CLDN16: variants seen among roughly 807,000 people sequenced by gnomAD.
CLDN16 encodes the protein claudin-16.
Under a neutral mutation model 24.6 loss-of-function variants are expected in CLDN16, and 13 were observed. The observed-to-expected ratio is 0.53, with a 90% CI of 0.34 to 0.84. The LOEUF (loss-of-function observed/expected upper bound fraction) is 0.84, where lower values mean the gene tolerates loss of function less well. Ranked by LOEUF, CLDN16 falls within the 40% of genes least tolerant of loss-of-function variation. The pLI is 0.01. For synonymous variants in CLDN16, 116 were observed against 106.7 expected, an observed-to-expected ratio of 1.09 and a Z score of -0.54; for missense variants, 298 against 292.7, an observed-to-expected ratio of 1.02 and a Z score of -0.13.
At chr3:190,402,278 A>C in intron 1 of CLDN16, 59 bp from the exon 2 acceptor site, 1 of 1,291,910 alleles carries the variant, frequency 7.7e-7, no homozygotes, top group Non-Finnish European at 1.1e-6. Flanking sequence ...TTTTTGATCA[A>C]GGGGAACTGA....
intron 1 of CLDN16, among the ~76,000 whole-genome samples, chr3:190,325,384 G>A (rs1433102229): frequency 1.3e-5 from 2 of 152,046 alleles, no homozygotes; most frequent in Non-Finnish European, 2.9e-5. Flanking sequence ...CTTGCTCCAG[G>A]CAGTGGCAAG....
intron 1 of CLDN16, among the ~76,000 whole-genome samples, chr3:190,350,883 C>A (rs1257215367): frequency 6.6e-6 from 1 of 152,120 alleles, no homozygotes; most frequent in Non-Finnish European, 1.5e-5. Context: ...TCTTTCCTCG[C>A]AGTCTTCTTC....
At chr3:190,320,025 T>A (rs560499324), upstream of CLDN16, among the ~76,000 whole-genome samples, 4 of 152,290 alleles carry the variant, frequency 2.6e-5, no homozygotes, top group South Asian at 8.3e-4. Context: ...AAAAGTGGAT[T>A]CTGATCTGGA....
intron 1 of CLDN16, among the ~76,000 whole-genome samples, chr3:190,357,624 T>C (rs913047535): frequency 6.6e-6 from 1 of 151,922 alleles, no homozygotes; most frequent in African/African-American, 2.4e-5. Context: ...AATTTAAGCT[T>C]ACCTTTCTCA....
intron 1 of CLDN16, among the ~76,000 whole-genome samples, chr3:190,352,534 G>A (rs1056296477): frequency 6.6e-6 from 1 of 152,080 alleles, no homozygotes; most frequent in Non-Finnish European, 1.5e-5. Context: ...TTTGAATTTT[G>A]TATCTCAGGC....
At chr3:190,396,606 TA>T (rs1180137363) in intron 1 of CLDN16, among the ~76,000 whole-genome samples, 2 of 152,228 alleles carry the variant, frequency 1.3e-5, no homozygotes, top group Non-Finnish European at 2.9e-5. Flanking sequence ...CCAGCATTAA[TA>T]TAGTCGGCAT....
chr3:190,319,255 C>A (rs1716854772), upstream of CLDN16, among the ~76,000 whole-genome samples: 6 of 152,162 alleles, frequency 3.9e-5, no homozygotes, highest in South Asian at 1.0e-3. Flanking sequence ...AAGTCTACTA[C>A]AACTGTATCT....
chr3:190,359,179 C>T (rs922875723), intron 1 of CLDN16, among the ~76,000 whole-genome samples: 3 of 151,970 alleles, frequency 2.0e-5, no homozygotes, highest in African/African-American at 7.2e-5. Flanking sequence ...GCATCTCCTG[C>T]AACTGCAATC....
At chr3:190,308,220 T>C in the CLDN16 span, 6 of 1,584,972 alleles carry the variant, frequency 3.8e-6, no homozygotes, top group Non-Finnish European at 5.2e-6. Flanking sequence ...TTAATGATAG[T>C]ATCTCAATGT....
At chr3:190,330,835 C>A (rs1395384991) in intron 1 of CLDN16, among the ~76,000 whole-genome samples, 6 of 152,152 alleles carry the variant, frequency 3.9e-5, no homozygotes, top group Admixed American at 2.0e-4. Context: ...CAAAGACATG[C>A]ATGTGTCTAT....
chr3:190,300,372 T>A, the CLDN16 span, among the ~76,000 whole-genome samples: 4 of 152,228 alleles, frequency 2.6e-5, no homozygotes, highest in Non-Finnish European at 5.9e-5. Flanking sequence ...CAAGGCTTTA[T>A]AAGAACACTC....
chr3:190,367,131 A>G (rs1476826664), intron 1 of CLDN16, among the ~76,000 whole-genome samples: 2 of 151,798 alleles, frequency 1.3e-5, no homozygotes, highest in African/African-American at 4.8e-5. Flanking sequence ...GATTAGAGAC[A>G]CTCATTTGTC....
intron 3 of CLDN16, among the ~76,000 whole-genome samples, chr3:190,379,691 T>C (rs1035076975): frequency 3.9e-5 from 6 of 152,118 alleles, no homozygotes; most frequent in Non-Finnish European, 8.8e-5. Context: ...TGCTCCTAAG[T>C]TGTTTATAAG....
chr3:190,402,472 G>A lies in CLDN16; in HGVS notation c.217+33G>A, dbSNP rs777119599. 52 of 1,504,726 alleles carry A rather than the reference G, an allele frequency of 3.5e-5. 1 individual carries two copies. In the South Asian group the frequency reaches 5.5e-4, roughly 16 times the overall value. The allele number at this position is 1,504,726 out of a possible 1,614,324, so 93.2% of individuals were successfully genotyped here. On this transcript the variant is annotated intron_variant, in intron 2 of 4. Transcript: ENST00000264734. Reference sequence around the variant, plus strand: ...TGCCTTAGAGCTCACTGCTTGCCAGGAAGGGAAAGGGACAGAAAACTGAGT... The same window carrying A: ...TGCCTTAGAGCTCACTGCTTGCCAGAAAGGGAAAGGGACAGAAAACTGAGT...
At chr3:190,350,067 G>A (rs1717638056) in intron 1 of CLDN16, among the ~76,000 whole-genome samples, 1 of 152,070 alleles carries the variant, frequency 6.6e-6, no homozygotes, top group Non-Finnish European at 1.5e-5. Context: ...AGGAATAGAT[G>A]AGCGGACCAG....
intron 3 of CLDN16, among the ~76,000 whole-genome samples, chr3:190,407,031 T>C (rs1719123721): frequency 6.6e-6 from 1 of 152,144 alleles, no homozygotes; most frequent in Non-Finnish European, 1.5e-5. Context: ...TGAGCCAATG[T>C]GCCCGGCCTA....
At chr3:190,320,553 A>G (rs1716891794), upstream of CLDN16, among the ~76,000 whole-genome samples, 1 of 152,246 alleles carries the variant, frequency 6.6e-6, no homozygotes, top group East Asian at 1.9e-4. Flanking sequence ...TCAAAAGCTG[A>G]AATAATAACA....
chr3:190,303,229 C>G, the CLDN16 span, among the ~76,000 whole-genome samples: 1 of 152,170 alleles, frequency 6.6e-6, no homozygotes, highest in Middle Eastern at 3.2e-3. Flanking sequence ...CTCTGCTATT[C>G]CTCACCCTTG....
chr3:190,331,290 C>T (rs1171784488), intron 1 of CLDN16, among the ~76,000 whole-genome samples: 1 of 152,164 alleles, frequency 6.6e-6, no homozygotes, highest in African/African-American at 2.4e-5. Context: ...CATATTCCCA[C>T]AAGCTTTATC....
Sources: gnomAD v4.1 joint callset for allele counts (sites outside exome capture counted in the v4.1 genomes callset) on GRCh38, gnomAD v4.1.1 for gene constraint, MANE v1.5 for transcripts, NCBI Gene and HGNC (gene_info 2026-07-23, HGNC 2026-07-21) for gene names.